The following MID2 variants were observed in gnomAD, a reference collection of about 807,000 sequenced individuals.
MID2 encodes the protein midline 2, also known as probable E3 ubiquitin-protein ligase MID2.
In MID2, 13 loss-of-function variants were observed where a neutral mutation model predicts 46.1. That is an observed-to-expected ratio of 0.28 (90% CI 0.18 to 0.45). The LOEUF (loss-of-function observed/expected upper bound fraction) is 0.45. Ranked by LOEUF, MID2 falls within the 20% of genes least tolerant of loss-of-function variation. The pLI is 1.00. For missense variants in MID2, 431 were observed against 575.4 expected (o/e 0.75, Z 2.57); for synonymous variants, 199 against 212.3 (o/e 0.94, Z 0.55).
At chrX:107,921,003 C>G (rs1643754701) in intron 7 of MID2, among the ~76,000 whole-genome samples, 1 of 111,725 alleles carries the variant, frequency 9.0e-6, no homozygotes, top group Admixed American at 9.5e-5. Context: ...TGATGCAATA[C>G]TTTTATCTAA....
rs1314963520 is a variant in MID2, at chrX:107,876,980, G to T, written c.816+22276G>T. 2.7e-5 allele frequency among the ~76,000 whole-genome samples: 3 copies of T among 111,267 alleles called. No individual in the cohort carries two copies. In the East Asian group the frequency reaches 8.5e-4, roughly 31 times the overall value. On this transcript the variant is annotated intron_variant, in intron 3 of 9. Coordinates refer to ENST00000262843, the MANE Select transcript of MID2 (RefSeq NM_012216.4). ...AGGGGGCAAGTGAGAGAGAGAAGCT[G>T]GATGGGGAGGAAGGGGTGGACCCAG...
At chrX:107,850,640 G>C (rs1165925520) in intron 2 of MID2, among the ~76,000 whole-genome samples, 1 of 112,327 alleles carries the variant, frequency 8.9e-6, no homozygotes, top group Non-Finnish European at 1.9e-5. Context: ...ATCTAGCTCT[G>C]TGTTGTTAAC....
At chrX:107,851,010 C>T (rs1446511891) in intron 2 of MID2, among the ~76,000 whole-genome samples, 3 of 111,977 alleles carry the variant, frequency 2.7e-5, no homozygotes, top group Non-Finnish European at 3.8e-5. Flanking sequence ...ATTTGCTTGG[C>T]GTTCATCAAT....
intron 3 of MID2, among the ~76,000 whole-genome samples, chrX:107,879,155 G>A (rs180955014): frequency 2.7e-5 from 3 of 111,832 alleles, no homozygotes; most frequent in African/African-American, 9.7e-5. Context: ...GTTACAATCA[G>A]TGCTCTTTCA....
chrX:107,826,298 T>C lies in MID2; in HGVS notation c.-129T>C, dbSNP rs1343917288. 7.9e-6 allele frequency: 6 copies of C among 759,453 alleles called. No individual in the cohort carries two copies. The highest frequency in any genetic ancestry group is 8.7e-6 in the Non-Finnish European group (5 of 571,904). The allele number at this position is 759,453 out of a possible 1,213,427, so 62.6% of individuals were successfully genotyped here. ...GGCGAAGGCGGGCGGCGGCCTACAG[T>C]GGTAGCGGCGGCGGCGGCGACCGGG... is the stretch of plus-strand genomic sequence containing the variant. On this transcript the variant is annotated 5_prime_UTR_variant, in exon 1 of 10. Coordinates refer to ENST00000262843, the MANE Select transcript of MID2 (RefSeq NM_012216.4).
At chrX:107,848,879 A>ATTCTGGC (rs1488606737) in intron 2 of MID2, among the ~76,000 whole-genome samples, 2 of 112,343 alleles carry the variant, frequency 1.8e-5, no homozygotes, top group African/African-American at 6.5e-5. Context: ...GCATGTGAAG[A>ATTCTGGC]TTCTGGCTTC....
At chrX:107,843,260 C>T (rs1388858929) in intron 2 of MID2, among the ~76,000 whole-genome samples, 5 of 111,866 alleles carry the variant, frequency 4.5e-5, no homozygotes, top group Non-Finnish European at 9.4e-5. Context: ...AAATCTGTGT[C>T]CATATGCACT....
In MID2 at chrX:107,837,893, C is replaced by A. The variant is rs780909507; in HGVS notation, c.5-2777C>A. ...CAGGAGATGCTCAATGAATGCTAGA[C>A]CCCTTCTTACTCCTAGTTTAAGTGA... On this transcript the variant is annotated intron_variant, in intron 1 of 9. Coordinates refer to ENST00000262843, the MANE Select transcript of MID2 (RefSeq NM_012216.4). 2.7e-5 allele frequency among the ~76,000 whole-genome samples: 3 copies of A among 112,329 alleles called. No individual in the cohort carries two copies. In the Admixed American group the frequency reaches 2.8e-4, roughly 11 times the overall value.
At chrX:107,839,665 C>T (rs113364938) in intron 1 of MID2, among the ~76,000 whole-genome samples, 3 of 111,941 alleles carry the variant, frequency 2.7e-5, no homozygotes, top group Non-Finnish European at 5.6e-5. Context: ...CCACTGTGCC[C>T]GGCCGGGTGA....
chrX:107,917,847 A>G (rs1569471407), intron 7 of MID2, 108 bp downstream of exon 7: 1 of 672,389 alleles, frequency 1.5e-6, no homozygotes, highest in Non-Finnish European at 2.3e-6. Flanking sequence ...AGCAAGTTGT[A>G]TATTTCCTTG....
At chrX:107,883,281 C>T (rs919329869) in intron 3 of MID2, among the ~76,000 whole-genome samples, 1 of 110,952 alleles carries the variant, frequency 9.0e-6, no homozygotes, top group Non-Finnish European at 1.9e-5. Context: ...AGCAAACCAC[C>T]ATGGCACGTG....
chrX:107,903,823 C>A, intron 3 of MID2, 135 bp from the exon 4 acceptor site: 1 of 467,982 alleles, frequency 2.1e-6, no homozygotes, highest in Non-Finnish European at 3.9e-6. Context: ...TCATCTCTAC[C>A]CTTCTTCTAG....
rs767939075 is a variant in MID2 at position 107,891,243 on chromosome X, G to A, written c.817-12715G>A. On this transcript the variant is annotated intron_variant, in intron 3 of 9. Coordinates refer to ENST00000262843, the MANE Select transcript of MID2 (RefSeq NM_012216.4). ...CTGTAGACTGGAGCTGTTCCTATTC[G>A]GCCATCTTGGCTCCATCCTCCTGTT... is the stretch of plus-strand genomic sequence containing the variant. Among the ~76,000 whole-genome samples, 50 of 108,461 alleles carry A rather than the reference G, an allele frequency of 4.6e-4. 1 individual carries two copies. Among genetic ancestry groups the A allele is most frequent in the African/African-American group, 1.4e-3 (42 of 29,839 alleles). The allele number at this position is 108,461 out of a possible 115,157, so 94.2% of individuals were successfully genotyped here.
chrX:107,844,382 G>A (rs1004879126), intron 2 of MID2, among the ~76,000 whole-genome samples: 1 of 111,170 alleles, frequency 9.0e-6, no homozygotes, highest in Non-Finnish European at 1.9e-5. Flanking sequence ...TTTTATTCAC[G>A]ACAGTTATTA....
At chrX:107,911,882 T>C (rs976508594) in intron 5 of MID2, among the ~76,000 whole-genome samples, 8 of 111,684 alleles carry the variant, frequency 7.2e-5, no homozygotes, top group Non-Finnish European at 1.3e-4. Flanking sequence ...GGCAGCGGTG[T>C]GGAAGGTATA....
At position 107,928,372 on chromosome X, in the gene MID2, AGTT is replaced by A. The variant is rs1373259939; in HGVS notation, c.*1301_*1303del. 1.8e-5 allele frequency among the ~76,000 whole-genome samples: 2 copies of A among 111,355 alleles called. No individual in the cohort carries two copies. Among genetic ancestry groups the A allele is most frequent in the Non-Finnish European group, 3.8e-5 (2 of 52,966 alleles). On this transcript the variant is annotated 3_prime_UTR_variant, in exon 10 of 10. Transcript: ENST00000262843. ...ACTTCATCCCAGTCCTAACCAGTAT[AGTT>A]GAAGGGAATGGAGCCTTGTAGTCTA...
intron 3 of MID2, among the ~76,000 whole-genome samples, chrX:107,896,680 A>AT (rs1246713066): frequency 8.9e-6 from 1 of 111,747 alleles, no homozygotes; most frequent in Non-Finnish European, 1.9e-5. Flanking sequence ...TACAGGTACT[A>AT]TTTTTTTTCA....
intron 3 of MID2, among the ~76,000 whole-genome samples, chrX:107,889,481 G>A (rs181528585): frequency 0.028 from 3,105 of 111,705 alleles, 63 homozygotes; most frequent in Non-Finnish European, 0.043. Flanking sequence ...AGTTTCTGCC[G>A]AGAGATCCGC....
chrX:107,835,636 A>AT (rs768565896), intron 1 of MID2, among the ~76,000 whole-genome samples: 1 of 96,859 alleles, frequency 1.0e-5, no homozygotes, highest in Non-Finnish European at 1.9e-5. Flanking sequence ...TTTTCATGTG[A>AT]TTATTGGCCA....
Sources: allele counts gnomAD v4.1 joint callset (sites outside exome capture counted in the v4.1 genomes callset), GRCh38; gene constraint gnomAD v4.1.1; transcripts MANE v1.5; gene names NCBI Gene and HGNC (gene_info 2026-07-23, HGNC 2026-07-21).